Variants in RPGRIP1L observed in about 807,000 individuals in gnomAD.
The protein encoded by RPGRIP1L is protein fantom.
Under a neutral mutation model 160.4 loss-of-function variants are expected in RPGRIP1L, and 131 were observed. The observed-to-expected ratio is 0.82, with a 90% confidence interval of 0.71 to 0.94. The LOEUF (loss-of-function observed/expected upper bound fraction) is 0.94, where lower values mean the gene tolerates loss of function less well. Among genes scored for constraint, RPGRIP1L ranks in the 40% least tolerant of loss-of-function variants. The pLI is 0.00. For missense variants in RPGRIP1L, 1,522 were observed against 1,535.8 expected (o/e 0.99, Z 0.15); for synonymous variants, 510 against 515.8 (o/e 0.99, Z 0.15).
chr16:53,602,166 A>C lies in RPGRIP1L; in HGVS notation c.3858T>G (p.Gly1286=). 6.2e-7 allele frequency: 1 copy of C among 1,613,420 alleles called. No individual in the cohort carries two copies. ...TTACCCTGAGCTTGCCAATACCTTC[A>C]CCATCTGCTCGTGCATCAAAAACTA... ...NIDVFDARAD[G]EGIGKLRVTV... The change falls in exon 27 of 27, where the codon GGT becomes GGG. Residue 1286 remains glycine, a synonymous_variant. Transcript: ENST00000647211.
chr16:53,678,155 AC>A (rs11357482), intron 6 of RPGRIP1L, among the ~76,000 whole-genome samples: 12,847 of 126,806 alleles, frequency 0.1, 1,044 homozygotes, highest in East Asian at 0.45. Context: ...TTTTAAAAAA[AC>A]CATGATTTTA....
At chr16:53,625,570 G>GC (rs1340272479) in intron 22 of RPGRIP1L, among the ~76,000 whole-genome samples, 1 of 150,856 alleles carries the variant, frequency 6.6e-6, no homozygotes, top group Non-Finnish European at 1.5e-5. Flanking sequence ...GGGTGGGGGG[G>GC]CCCCTCTGCC....
At chr16:53,635,885 C>T (rs972723995) in intron 22 of RPGRIP1L, among the ~76,000 whole-genome samples, 3 of 152,014 alleles carry the variant, frequency 2.0e-5, no homozygotes, top group African/African-American at 7.2e-5. Flanking sequence ...ATATAATTTT[C>T]TTCTCAAAAT....
Position 53,652,745 on chromosome 16 carries a change from C to G in RPGRIP1L, c.1942G>C (p.Val648Leu), listed in dbSNP as rs1966885831. Residue 648 changes from valine (V) to leucine (L), a missense_variant, in exon 15 of 27, where the codon GTG becomes CTG. Physicochemically the swap from Val to Leu is conservative, Grantham distance 32. Coordinates refer to ENST00000647211, the MANE Select transcript of RPGRIP1L (RefSeq NM_015272.5). ...TTATATTCGGGATGAAGGCCTCGCA[C>G]TACGGGAGTTGTCTGTAGTTCAAAA... Reference protein sequence around the residue: ...YDFELQTTPVVRGLHPEYNFT... With the variant: ...YDFELQTTPVLRGLHPEYNFT... 1 of 1,614,158 alleles carries G rather than the reference C, an allele frequency of 6.2e-7. No homozygotes were observed. Among genetic ancestry groups the G allele is most frequent in the Non-Finnish European group, 8.5e-7 (1 of 1,180,014 alleles).
At chr16:53,629,699 T>C (rs915069396) in intron 22 of RPGRIP1L, among the ~76,000 whole-genome samples, 12 of 152,246 alleles carry the variant, frequency 7.9e-5, no homozygotes, top group Non-Finnish European at 1.6e-4. Context: ...ATATGAAAGT[T>C]CCTTGTTTCA....
At position 53,656,529 on chromosome 16, in the gene RPGRIP1L, C is replaced by CT. The variant is rs749464264; in HGVS notation, c.1641dup (p.Val548SerfsTer9). The CT allele has an allele frequency of 2.5e-6, 4 of 1,613,960 alleles. No homozygotes were observed. In the East Asian group the frequency reaches 8.9e-5, roughly 36 times the overall value. ...TCAAGAAGATGAACATACTGTTCCA[C>CT]TTTGAGTTCATAATCTTGCTGCAAA... On this transcript the variant is annotated frameshift_variant, in exon 14 of 27. Transcript: ENST00000647211. LOFTEE classifies it high-confidence loss of function.
At chr16:53,694,063 T>C (rs1355642038) in intron 3 of RPGRIP1L, 1 of 152,218 alleles carries the variant, frequency 6.6e-6, no homozygotes, top group Non-Finnish European at 1.5e-5. Flanking sequence ...TAGCCATACA[T>C]TCCATTTGCT....
At chr16:53,606,234 A>G (rs1308538365) in intron 25 of RPGRIP1L, among the ~76,000 whole-genome samples, 1 of 152,218 alleles carries the variant, frequency 6.6e-6, no homozygotes. Context: ...TTTAAGACAT[A>G]TAATTGTAGG....
Position 53,641,388 on chromosome 16 carries a change from C to G in RPGRIP1L, c.2771G>C (p.Ser924Thr), listed in dbSNP as rs142234650. ...TAAGTCTTCAGTTGTTATTGATCCA[C>G]TTGGTGGAAGGTAAGCAAATTTCCA... ...LKWKFAYLPP[S>T]GSITTEDLGN... is the part of the protein sequence containing the mutation. Residue 924 changes from serine (S) to threonine (T), a missense_variant, in exon 18 of 27, where the codon AGT becomes ACT. Coordinates refer to ENST00000647211, the MANE Select transcript of RPGRIP1L (RefSeq NM_015272.5). 6.2e-7 allele frequency: 1 copy of G among 1,614,056 alleles called. No homozygotes were observed. Among genetic ancestry groups the G allele is most frequent in the East Asian group, 2.2e-5 (1 of 44,860 alleles).
intron 2 of RPGRIP1L, among the ~76,000 whole-genome samples, chr16:53,697,598 G>A (rs1180001021): frequency 2.0e-5 from 3 of 152,222 alleles, no homozygotes; most frequent in Non-Finnish European, 2.9e-5. Context: ...TCCTGACCGC[G>A]AGTGATCCAC....
chr16:53,625,606 A>G (rs1039047588), intron 22 of RPGRIP1L, among the ~76,000 whole-genome samples: 3 of 150,976 alleles, frequency 2.0e-5, no homozygotes, highest in Non-Finnish European at 4.4e-5. Flanking sequence ...GGAAGTGAGG[A>G]GCCCCTCTGC....
chr16:53,609,752 A>G (rs894169182), intron 25 of RPGRIP1L, among the ~76,000 whole-genome samples: 14 of 151,988 alleles, frequency 9.2e-5, no homozygotes, highest in Admixed American at 3.9e-4. Flanking sequence ...GGTGGCTTTG[A>G]AGGGGGCCCT....
In RPGRIP1L at chr16:53,654,433, T is replaced by C. The variant is rs556615312; in HGVS notation, c.1700-1446A>G. Among the ~76,000 whole-genome samples the C allele has an allele frequency of 5.9e-5, 9 of 152,362 alleles. No individual in the cohort carries two copies. The South Asian group carries it at 1.9e-3, about 32-fold the overall frequency. On this transcript the variant is annotated intron_variant, in intron 14 of 26. Coordinates refer to ENST00000647211, the MANE Select transcript of RPGRIP1L (RefSeq NM_015272.5). ...TTTACTTACTGCCTGGAATGCCTTATATTACTTTTACTTAGTAGTGAATTC... is the reference window on the plus strand; with the variant it reads ...TTTACTTACTGCCTGGAATGCCTTACATTACTTTTACTTAGTAGTGAATTC...
chr16:53,695,994 G>T, intron 3 of RPGRIP1L, 157 bp downstream of exon 3: 1 of 698,594 alleles, frequency 1.4e-6, no homozygotes, highest in Non-Finnish European at 2.4e-6. Flanking sequence ...TATTATTCTA[G>T]TTTGCAAGAT....
At chr16:53,610,848 G>A (rs566008834) in intron 25 of RPGRIP1L, 119 bp downstream of exon 25, 3 of 800,142 alleles carry the variant, frequency 3.7e-6, no homozygotes, top group East Asian at 4.9e-5. Flanking sequence ...AGGGTACAGA[G>A]TGAGTCAGAG....
chr16:53,682,966 T>C (rs1366370863), intron 6 of RPGRIP1L, among the ~76,000 whole-genome samples: 1 of 152,170 alleles, frequency 6.6e-6, no homozygotes, highest in East Asian at 1.9e-4. Flanking sequence ...TCACTAGACA[T>C]ATAGGATTTC....
chr16:53,620,479 C>T (rs1964637104), intron 23 of RPGRIP1L, among the ~76,000 whole-genome samples: 1 of 152,166 alleles, frequency 6.6e-6, no homozygotes, highest in African/African-American at 2.4e-5. Flanking sequence ...AAATTCCACA[C>T]CATTCTGTCT....
chr16:53,609,040 G>T (rs78293700), intron 25 of RPGRIP1L, among the ~76,000 whole-genome samples: 1 of 152,120 alleles, frequency 6.6e-6, no homozygotes, highest in Non-Finnish European at 1.5e-5. Context: ...TCTTTGGGGG[G>T]TGTTTGCAGA....
At chr16:53,648,626 G>GCGCGCACA (rs1555602385) in intron 16 of RPGRIP1L, among the ~76,000 whole-genome samples, 124 of 144,084 alleles carry the variant, frequency 8.6e-4, no homozygotes, top group Admixed American at 1.8e-3. Flanking sequence ...GCGCGCGCGC[G>GCGCGCACA]CACACACACA....
Sources: allele counts gnomAD v4.1 joint callset (sites outside exome capture counted in the v4.1 genomes callset), GRCh38; gene constraint gnomAD v4.1.1; transcripts MANE v1.5; gene names NCBI Gene and HGNC (gene_info 2026-07-23, HGNC 2026-07-21).